HAUS4: variants seen among roughly 807,000 people sequenced by gnomAD.
HAUS4 encodes the protein HAUS augmin like complex subunit 4.
HAUS4 carries 34 observed loss-of-function variants against 50.6 expected under a neutral mutation model. The observed-to-expected ratio is 0.67, with a 90% CI of 0.51 to 0.90. HAUS4 has a LOEUF of 0.90. Among genes scored for constraint, HAUS4 ranks in the 40% least tolerant of loss-of-function variants. The pLI, the probability that HAUS4 is intolerant of heterozygous loss-of-function variation, is 0.00. For synonymous variants in HAUS4, 149 were observed against 161.4 expected (o/e 0.92, Z 0.58); for missense variants, 370 against 428.7 (o/e 0.86, Z 1.21).
chr14:22,949,865 A>G (rs1299144240), intron 6 of HAUS4, among the ~76,000 whole-genome samples: 2 of 152,158 alleles, frequency 1.3e-5, no homozygotes, highest in African/African-American at 4.8e-5. Flanking sequence ...GTGGTGGCTC[A>G]CACCTGTAAT....
intron 6 of HAUS4, among the ~76,000 whole-genome samples, chr14:22,949,253 G>A (rs1416290482): frequency 6.7e-6 from 1 of 150,080 alleles, no homozygotes; most frequent in Non-Finnish European, 1.5e-5. Context: ...TTCAGGGCCA[G>A]GCACAGTGGC....
At chr14:22,949,031 C>T (rs1287335153) in intron 6 of HAUS4, among the ~76,000 whole-genome samples, 1 of 151,556 alleles carries the variant, frequency 6.6e-6, no homozygotes, top group African/African-American at 2.4e-5. Flanking sequence ...GTGGCAGGCG[C>T]CTGTAATCCC....
At chr14:22,947,524 A>G in intron 8 of HAUS4, 77 bp downstream of exon 8, 2 of 1,501,796 alleles carry the variant, frequency 1.3e-6, no homozygotes, top group East Asian at 2.3e-5. Context: ...AAGGGAGAGG[A>G]AAGAGATTAG....
At chr14:22,947,083 C>G in intron 9 of HAUS4, 88 bp downstream of exon 9, 1 of 934,304 alleles carries the variant, frequency 1.1e-6, no homozygotes, top group Non-Finnish European at 1.8e-6. Flanking sequence ...TGTGCCCAGC[C>G]AAAAATGGCA....
intron 2 of HAUS4, 120 bp from the exon 3 acceptor site, chr14:22,952,803 T>G (rs1324253878): frequency 1.3e-6 from 1 of 750,792 alleles, no homozygotes; most frequent in African/African-American, 1.8e-5. Context: ...GAAAGATTGC[T>G]AAATCTAATG....
intron 2 of HAUS4, among the ~76,000 whole-genome samples, chr14:22,953,231 C>A (rs1390689838): frequency 6.6e-6 from 1 of 150,380 alleles, no homozygotes; most frequent in African/African-American, 2.4e-5. Flanking sequence ...CTCACTGCAG[C>A]CTTAACCTCC....
rs768457749 is a variant in HAUS4 at position 22,947,649 on chromosome 14, T to C, written c.791A>G (p.Asn264Ser). ...LKTQSELDRI[N>S]AQYLEVKCGA... ...GCACTTGACTTCCAGGTACTGGGCA[T>C]TGATGCGGTCTAGCTCGGATTGAGT... Residue 264 changes from asparagine (N) to serine (S), a missense_variant, in exon 8 of 10, where the codon AAT becomes AGT. Physicochemically the swap from Asn to Ser is conservative, Grantham distance 46. Coordinates refer to ENST00000541587, the MANE Select transcript of HAUS4 (RefSeq NM_001166269.2). The C allele has an allele frequency of 8.1e-6, 13 of 1,614,162 alleles. No homozygotes were observed. Among genetic ancestry groups the C allele is most frequent in the South Asian group, 3.3e-5 (3 of 91,080 alleles).
chr14:22,947,022 G>A (rs1010741830), intron 9 of HAUS4, 149 bp downstream of exon 9: 12 of 650,496 alleles, frequency 1.8e-5, no homozygotes, highest in East Asian at 2.7e-5. Flanking sequence ...TGACTCAAGC[G>A]AGCTGCCCAC....
intron 2 of HAUS4, among the ~76,000 whole-genome samples, chr14:22,953,308 A>T (rs2044792762): frequency 6.6e-6 from 1 of 151,462 alleles, no homozygotes; most frequent in South Asian, 2.1e-4. Flanking sequence ...ATGACTGGCT[A>T]ATTTTTTTTT....
In HAUS4 at chr14:22,948,166, G is replaced by A. The variant is rs2044678954; in HGVS notation, c.563-153C>T. 4.6e-5 allele frequency: 37 copies of A among 800,728 alleles called. 2 individuals are homozygous for A. In the South Asian group the frequency reaches 7.2e-4, roughly 16 times the overall value. 49.6% of individuals were successfully genotyped at this position (800,728 alleles called of 1,614,324 possible). A position where few individuals can be genotyped will look rare whatever the true frequency, so the allele number is the denominator to read the frequency against. ...AATCTATTAAAAATGGCCCCATTCT[G>A]GGCTGAGCATGGTGGCTTACGCCTG... is the stretch of plus-strand genomic sequence containing the variant. On this transcript the variant is annotated intron_variant, in intron 6 of 9. Transcript: ENST00000541587.
At chr14:22,955,996 C>G (rs2044856601) in intron 1 of HAUS4, among the ~76,000 whole-genome samples, 1 of 152,122 alleles carries the variant, frequency 6.6e-6, no homozygotes, top group Non-Finnish European at 1.5e-5. Flanking sequence ...TGCTCTGCCC[C>G]TCCTCTCTGC....
intron 6 of HAUS4, among the ~76,000 whole-genome samples, chr14:22,949,804 T>C (rs1239369854): frequency 6.6e-6 from 1 of 151,980 alleles, no homozygotes; most frequent in Non-Finnish European, 1.5e-5. Context: ...TCCCACTCAG[T>C]ATCTTGCTGA....
rs1468088475 is a variant in HAUS4 at position 22,950,332 on chromosome 14, A to G, written c.544T>C (p.Tyr182His). The G allele has an allele frequency of 5.6e-6, 9 of 1,605,860 alleles. No homozygotes were observed. The highest frequency in any genetic ancestry group is 1.3e-5 in the African/African-American group (1 of 74,728). The change falls in exon 6 of 10, where the codon TAC becomes CAC. Residue 182 changes from tyrosine (Y) to histidine (H), a missense_variant. Transcript: ENST00000541587. ...LKKKCFTLLCYYDPNSDADSE... is the reference protein window; with the variant it reads ...LKKKCFTLLCHYDPNSDADSE... ...CACTCACCTGAATTGGGATCATAGT[A>G]GCAGAGCAGAGTGAAACATTTCTTT...
At position 22,951,586 on chromosome 14, in the gene HAUS4, G is replaced by C. The variant is rs768083328; in HGVS notation, c.434C>G (p.Ala145Gly). The C allele has an allele frequency of 6.2e-7, 1 of 1,613,902 alleles. No individual in the cohort carries two copies. The highest frequency in any genetic ancestry group is 2.2e-5 in the East Asian group (1 of 44,872). ...EIPPLLGLEK[A>G]DLLELMPLSE... ...GAGTGGCATGAGTTCCAGAAGGTCC[G>C]CTTTCTCCAGCCCCAGCAGTGGAGG... The change falls in exon 5 of 10, where the codon GCG becomes GGG. Residue 145 changes from alanine to glycine, a missense_variant. Ala to Gly is a moderately conservative substitution (Grantham distance 60). Transcript: ENST00000541587.
chr14:22,949,648 A>G (rs1211864322), intron 6 of HAUS4, among the ~76,000 whole-genome samples: 2 of 152,132 alleles, frequency 1.3e-5, no homozygotes, highest in East Asian at 1.9e-4. Context: ...CTAGAAACAC[A>G]TTATTATAAA....
intron 2 of HAUS4, among the ~76,000 whole-genome samples, chr14:22,954,860 G>A (rs1455905132): frequency 6.6e-6 from 1 of 151,734 alleles, no homozygotes; most frequent in African/African-American, 2.4e-5. Context: ...GGAGTAGCTG[G>A]GACTACAGGT....
At chr14:22,950,900 T>C (rs1021857157) in intron 5 of HAUS4, among the ~76,000 whole-genome samples, 2 of 152,258 alleles carry the variant, frequency 1.3e-5, no homozygotes, top group African/African-American at 2.4e-5. Flanking sequence ...CTAAGCACTA[T>C]GTGCCTAGAT....
chr14:22,949,331 C>A (rs1404929856), intron 6 of HAUS4, among the ~76,000 whole-genome samples: 1 of 151,706 alleles, frequency 6.6e-6, no homozygotes, highest in Non-Finnish European at 1.5e-5. Flanking sequence ...AGACTGAGAC[C>A]ATCCTGGCTA....
chr14:22,947,279 C>T (rs1441768359), intron 8 of HAUS4, 40 bp from the exon 9 acceptor site: 8 of 1,376,302 alleles, frequency 5.8e-6, no homozygotes, highest in Non-Finnish European at 8.3e-6. Context: ...CAGGAAGGTC[C>T]CTGATAGCAG....
Sources: gnomAD v4.1 joint callset for allele counts (sites outside exome capture counted in the v4.1 genomes callset) on GRCh38, gnomAD v4.1.1 for gene constraint, MANE v1.5 for transcripts, NCBI Gene and HGNC (gene_info 2026-07-23, HGNC 2026-07-21) for gene names.